Variants in ROBO2 observed in about 807,000 individuals in gnomAD.
The protein encoded by ROBO2 is roundabout guidance receptor 2.
ROBO2 carries 53 observed loss-of-function variants against 160.8 expected under a neutral mutation model. The ratio of observed to expected loss-of-function variants is 0.33; its 90% CI spans 0.26 to 0.41. ROBO2 has a LOEUF of 0.41. ROBO2 is among the 10% of genes least tolerant of loss of function. The probability of loss-of-function intolerance (pLI) is 1.00; values close to 1 mark genes in which losing one functional copy is unlikely to be tolerated. For synonymous variants in ROBO2, 664 were observed against 611.7 expected (o/e 1.09, Z -1.26); for missense variants, 1,577 against 1,722.4 (o/e 0.92, Z 1.49).
chr3:77,252,831 A>AAAAAAAAT lies in ROBO2; in HGVS notation c.388+154492_388+154493insAAAAAATA. Among the ~76,000 whole-genome samples, 109 of 12,502 alleles carry AAAAAAAAT rather than the reference A, an allele frequency of 8.7e-3. 6 individuals carry two copies. The highest frequency in any genetic ancestry group is 0.017 in the African/African-American group (106 of 6,300). The allele number at this position is 12,502 out of a possible 152,430, so 8.2% of individuals were successfully genotyped here. On this transcript the variant is annotated intron_variant, in intron 2 of 25. Coordinates refer to ENST00000461745, the Ensembl canonical transcript of ROBO2. The stretch of plus-strand genomic sequence containing the variant: ...TCAAAAAAAAAAAAAAAAAAAAAAA[A>AAAAAAAAT]ATATATATATATATATATATGAAAA...
At chr3:77,291,578 GAAGGTGAGGC>G (rs2061266447) in intron 2 of ROBO2, among the ~76,000 whole-genome samples, 1 of 148,166 alleles carries the variant, frequency 6.7e-6, no homozygotes, top group Non-Finnish European at 1.5e-5. Context: ...GGTTAAACGG[GAAGGTGAGGC>G]TAGAGCAGTA....
At chr3:76,028,287 G>A (rs1367895725) in intron 2 of ROBO2, among the ~76,000 whole-genome samples, 1 of 151,728 alleles carries the variant, frequency 6.6e-6, no homozygotes, top group Non-Finnish European at 1.5e-5. Context: ...GGTAAACTAG[G>A]CCCTCTTCCA....
chr3:77,607,528 G>A (rs964737564), intron 20 of ROBO2, among the ~76,000 whole-genome samples: 2 of 152,036 alleles, frequency 1.3e-5, no homozygotes, highest in South Asian at 2.1e-4. Context: ...GGCACCAGAC[G>A]GGAATAAATC....
At chr3:76,770,801 G>A (rs925627464) in intron 2 of ROBO2, among the ~76,000 whole-genome samples, 7 of 151,248 alleles carry the variant, frequency 4.6e-5, no homozygotes, top group African/African-American at 1.7e-4. Flanking sequence ...GAAAGATACA[G>A]CTTAATGCCT....
chr3:77,161,706 T>C (rs1030745773), intron 2 of ROBO2, among the ~76,000 whole-genome samples: 4 of 152,174 alleles, frequency 2.6e-5, no homozygotes, highest in Admixed American at 2.6e-4. Context: ...GCTTTATTTA[T>C]TCCCAGGTGT....
In ROBO2 at chr3:77,398,472, G is replaced by A. The variant is rs553287937; in HGVS notation, c.389-78942G>A. Among the ~76,000 whole-genome samples, 17 of 152,198 alleles carry A rather than the reference G, an allele frequency of 1.1e-4. No individual in the cohort carries two copies. In the South Asian group the frequency reaches 3.3e-3, roughly 30 times the overall value. On this transcript the variant is annotated intron_variant, in intron 2 of 25. Coordinates refer to ENST00000461745, the Ensembl canonical transcript of ROBO2. ...GTAGAATTCTCATTGTATATTTTGT[G>A]CCATGTAAAATTACTTACATGGAAA...
chr3:77,624,697 T>C (rs1475891087), intron 23 of ROBO2, among the ~76,000 whole-genome samples: 2 of 152,156 alleles, frequency 1.3e-5, no homozygotes, highest in Non-Finnish European at 2.9e-5. Flanking sequence ...ATACCACCAG[T>C]TACTTTGGGT....
chr3:77,320,719 T>C (rs2064588171), intron 2 of ROBO2, among the ~76,000 whole-genome samples: 2 of 152,296 alleles, frequency 1.3e-5, no homozygotes, highest in Non-Finnish European at 1.5e-5. Flanking sequence ...AAAAAACTTT[T>C]GTTGCGTTTG....
rs1168612401 is a variant in ROBO2, at chr3:77,583,136, C to A, written c.2500+3018C>A. Among the ~76,000 whole-genome samples, 4 of 121,588 alleles carry A rather than the reference C, an allele frequency of 3.3e-5. No homozygotes were observed. The Admixed American group carries it at 3.4e-4, about 10-fold the overall frequency. 79.8% of individuals were successfully genotyped at this position (121,588 alleles called of 152,430 possible). A position where few individuals can be genotyped will look rare whatever the true frequency, so the allele number is the denominator to read the frequency against. On this transcript the variant is annotated intron_variant, in intron 16 of 25. Coordinates refer to ENST00000461745, the Ensembl canonical transcript of ROBO2. ...CAGCACTCCAGTCTGGGTCACTGAGCGAGACTCTGTCTCTCCAAAAAAAAA... is the reference window on the plus strand; with the variant it reads ...CAGCACTCCAGTCTGGGTCACTGAGAGAGACTCTGTCTCTCCAAAAAAAAA...
At chr3:77,468,335 C>T (rs375618600) in intron 2 of ROBO2, among the ~76,000 whole-genome samples, 2 of 152,108 alleles carry the variant, frequency 1.3e-5, no homozygotes, top group Admixed American at 6.5e-5. Flanking sequence ...TAGAGTCTGC[C>T]GTGGTCAGAT....
At chr3:76,829,693 A>C (rs2066908974) in intron 2 of ROBO2, among the ~76,000 whole-genome samples, 1 of 136,006 alleles carries the variant, frequency 7.4e-6, no homozygotes, top group Non-Finnish European at 1.6e-5. Flanking sequence ...TTTGAGATAG[A>C]GTTTCACTCT....
chr3:76,272,374 A>G (rs1319132710), intron 2 of ROBO2, among the ~76,000 whole-genome samples: 3 of 151,946 alleles, frequency 2.0e-5, no homozygotes, highest in African/African-American at 7.3e-5. Context: ...ACTTAAAAAT[A>G]TATTTCTGGG....
intron 2 of ROBO2, among the ~76,000 whole-genome samples, chr3:76,928,000 C>T (rs184137649): frequency 6.6e-6 from 1 of 152,282 alleles, no homozygotes; most frequent in East Asian, 1.9e-4. Context: ...AGAATGGCCC[C>T]TAAGATATTC....
chr3:76,555,995 G>A (rs564779624), intron 2 of ROBO2, among the ~76,000 whole-genome samples: 159 of 152,156 alleles, frequency 1.0e-3, no homozygotes, highest in African/African-American at 3.7e-3. Context: ...GCAGGCTGAC[G>A]CAGGAGAATC....
intron 2 of ROBO2, among the ~76,000 whole-genome samples, chr3:77,108,229 C>CATATATATATGTATACACATATGCAT (rs755688317): frequency 3.8e-5 from 5 of 131,448 alleles, no homozygotes; most frequent in Admixed American, 1.6e-4. Context: ...TACACATATG[C>CATATATATATGTATACACATATGCAT]ATATATATGT....
intron 2 of ROBO2, among the ~76,000 whole-genome samples, chr3:76,892,313 T>G (rs1201595028): frequency 6.6e-6 from 1 of 152,202 alleles, no homozygotes; most frequent in Non-Finnish European, 1.5e-5. Flanking sequence ...AATCTCTGAT[T>G]TTGATATCCA....
intron 2 of ROBO2, among the ~76,000 whole-genome samples, chr3:77,001,720 A>G (rs776010228): frequency 9.9e-5 from 15 of 152,200 alleles, no homozygotes; most frequent in Non-Finnish European, 1.5e-4. Context: ...AAACTCAAAC[A>G]GTAATGACAT....
At chr3:77,030,945 G>A (rs1370696226) in intron 2 of ROBO2, among the ~76,000 whole-genome samples, 4 of 152,052 alleles carry the variant, frequency 2.6e-5, no homozygotes, top group Non-Finnish European at 2.9e-5. Context: ...TGCTTTAGCC[G>A]GCAATACCTG....
chr3:76,430,948 CTT>C (rs1168503900), intron 2 of ROBO2, among the ~76,000 whole-genome samples: 1 of 151,924 alleles, frequency 6.6e-6, no homozygotes, highest in Non-Finnish European at 1.5e-5. Context: ...ATGAAACTCT[CTT>C]ACTGTTTTTG....
Sources: allele counts gnomAD v4.1 joint callset (sites outside exome capture counted in the v4.1 genomes callset), GRCh38; gene constraint gnomAD v4.1.1; transcripts MANE v1.5; gene names NCBI Gene and HGNC (gene_info 2026-07-23, HGNC 2026-07-21).